Variants in NECAB2 observed in about 807,000 individuals in gnomAD.
The protein encoded by NECAB2 is N-terminal EF-hand calcium-binding protein 2.
In NECAB2, 68 loss-of-function variants were observed where a neutral mutation model predicts 51.9. The ratio of observed to expected loss-of-function variants is 1.31; its 90% CI spans 1.08 to 1.60. The LOEUF is 1.60. Ranked by LOEUF, NECAB2 falls within the 40% of genes most tolerant of loss-of-function variation. The pLI is 0.00. For synonymous variants in NECAB2, 329 were observed against 203.5 expected, an observed-to-expected ratio of 1.62 and a Z score of -5.25; for missense variants, 854 against 490.3, an observed-to-expected ratio of 1.74 and a Z score of -7.00.
chr16:83,997,560 T>A (rs2084729861), intron 9 of NECAB2, among the ~76,000 whole-genome samples: 1 of 143,162 alleles, frequency 7.0e-6, no homozygotes, highest in Admixed American at 7.2e-5. Flanking sequence ...GGATGTCGGC[T>A]TACTGCAACC....
intron 5 of NECAB2, among the ~76,000 whole-genome samples, chr16:83,987,309 G>A (rs2084568914): frequency 6.6e-6 from 1 of 152,128 alleles, no homozygotes; most frequent in Non-Finnish European, 1.5e-5. Flanking sequence ...TGAGACAGTG[G>A]TTAGCTAATT....
At chr16:83,982,110 C>A (rs926119721) in intron 5 of NECAB2, among the ~76,000 whole-genome samples, 3 of 152,202 alleles carry the variant, frequency 2.0e-5, no homozygotes, top group African/African-American at 7.2e-5. Context: ...CAGGACCAAG[C>A]TCGGAGCAAA....
Position 84,002,472 on chromosome 16 carries a change from T to C in NECAB2, c.*126T>C. On this transcript the variant is annotated 3_prime_UTR_variant, in exon 13 of 13. Transcript: ENST00000305202. ...TCAATCCATCCTCCACAAGAAGGTG[T>C]TTCCCTGTTGTTAAGTGAAGGAGGC... 3 of 1,328,308 alleles carry C rather than the reference T, an allele frequency of 2.3e-6. No homozygotes were observed. The highest frequency in any genetic ancestry group is 3.2e-6 in the Non-Finnish European group (3 of 934,850). 82.3% of individuals were successfully genotyped at this position (1,328,308 alleles called of 1,614,324 possible). A position where few individuals can be genotyped will look rare whatever the true frequency, so the allele number is the denominator to read the frequency against.
At chr16:83,997,376 C>A in intron 9 of NECAB2, 107 bp downstream of exon 9, 2 of 1,410,460 alleles carry the variant, frequency 1.4e-6, no homozygotes, top group Non-Finnish European at 2.0e-6. Context: ...CTGCTTGGGA[C>A]CACCAGGAGG....
At chr16:83,983,077 C>T (rs996586809) in intron 5 of NECAB2, among the ~76,000 whole-genome samples, 1 of 152,066 alleles carries the variant, frequency 6.6e-6, no homozygotes, top group Admixed American at 6.6e-5. Context: ...CCATGTTGGC[C>T]AGGCTGGTCT....
At chr16:83,999,299 G>A (rs761087898) in intron 10 of NECAB2, among the ~76,000 whole-genome samples, 2 of 152,154 alleles carry the variant, frequency 1.3e-5, no homozygotes, top group Non-Finnish European at 2.9e-5. Context: ...ACTCCAGGAG[G>A]ACAGACTGCA....
intron 6 of NECAB2, among the ~76,000 whole-genome samples, chr16:83,991,612 C>G (rs1011706373): frequency 3.3e-5 from 5 of 151,134 alleles, no homozygotes; most frequent in African/African-American, 9.7e-5. Context: ...GCCTCAGCCT[C>G]CAGGTGCTGG....
At position 83,999,268 on chromosome 16, in the gene NECAB2, T is replaced by TG. The variant is rs34656797; in HGVS notation, c.962+958dup. Among the ~76,000 whole-genome samples, 704 of 151,920 alleles carry TG rather than the reference T, an allele frequency of 4.6e-3. 1 individual carries two copies. The highest frequency in any genetic ancestry group is 0.015 in the African/African-American group (640 of 41,408). ...GCCATTCTTGAGTAAGTAGCCAGGA[T>TG]GGGGGGGCAGGACCCACTCCACTCC... On this transcript the variant is annotated intron_variant, in intron 10 of 12. Transcript: ENST00000305202.
chr16:83,986,907 G>C (rs1036393538), intron 5 of NECAB2, among the ~76,000 whole-genome samples: 3 of 152,114 alleles, frequency 2.0e-5, no homozygotes, highest in African/African-American at 7.2e-5. Context: ...AGTGGGGTTA[G>C]GGTTGAAACA....
At position 84,002,404 on chromosome 16, in the gene NECAB2, C is replaced by CT; in HGVS notation, c.*58_*59insT. The CT allele has an allele frequency of 1.3e-6, 2 of 1,560,080 alleles. No homozygotes were observed. Among genetic ancestry groups the CT allele is most frequent in the Non-Finnish European group, 1.7e-6 (2 of 1,150,786 alleles). On this transcript the variant is annotated 3_prime_UTR_variant, in exon 13 of 13. Transcript: ENST00000305202. ...AGCCCCTTCTTCTTGTGAAGGAAAT[C>CT]CCGTTTTTTTCTAGACAGACACTTT...
At chr16:83,980,087 C>T (rs1198835186) in intron 3 of NECAB2, among the ~76,000 whole-genome samples, 4 of 152,196 alleles carry the variant, frequency 2.6e-5, no homozygotes, top group African/African-American at 9.6e-5. Context: ...TTTGCTGAGC[C>T]TGGGCTCCAC....
chr16:83,987,963 A>T (rs551983629), intron 5 of NECAB2, among the ~76,000 whole-genome samples: 3 of 152,324 alleles, frequency 2.0e-5, no homozygotes, highest in African/African-American at 7.2e-5. Flanking sequence ...TTATAACTTT[A>T]TGCCTTTTAT....
chr16:84,002,035 C>A, intron 12 of NECAB2, 119 bp downstream of exon 12: 1 of 1,210,012 alleles, frequency 8.3e-7, no homozygotes. Flanking sequence ...ACTGTCAGCT[C>A]CTGCCACCAA....
At chr16:83,965,593 G>A (rs1274829511), upstream of NECAB2, 2 of 1,613,068 alleles carry the variant, frequency 1.2e-6, no homozygotes, top group Non-Finnish European at 1.7e-6. Context: ...ACCACAAGGT[G>A]CACCAGATGA....
rs1258491662 is a variant in NECAB2 at position 83,997,198 on chromosome 16, T to G, written c.796-18T>G. On this transcript the variant is annotated intron_variant, in intron 8 of 12. Coordinates refer to ENST00000305202, the MANE Select transcript of NECAB2 (RefSeq NM_019065.3). ...TGGGGCTCTGGGTCTAGCATCACTG[T>G]GTGCTGGATTGTTTCAGGCACTGTG... 2 of 1,613,934 alleles carry G rather than the reference T, an allele frequency of 1.2e-6. No individual in the cohort carries two copies. Among genetic ancestry groups the G allele is most frequent in the East Asian group, 4.5e-5 (2 of 44,884 alleles).
chr16:83,966,569 A>G (rs173777), upstream of NECAB2, among the ~76,000 whole-genome samples: 48,142 of 151,626 alleles, frequency 0.32, 13,212 homozygotes, highest in African/African-American at 0.76. Flanking sequence ...GCAGGCAGTG[A>G]TGTCCAGGAG....
intron 1 of NECAB2, among the ~76,000 whole-genome samples, chr16:83,969,314 C>T (rs1480948098): frequency 2.0e-5 from 3 of 152,142 alleles, no homozygotes; most frequent in Non-Finnish European, 2.9e-5. Context: ...TCGCCCTAGA[C>T]CCTGAGCCCC....
At chr16:83,996,137 C>G (rs1311358683) in intron 8 of NECAB2, among the ~76,000 whole-genome samples, 1 of 152,186 alleles carries the variant, frequency 6.6e-6, no homozygotes, top group Non-Finnish European at 1.5e-5. Context: ...GATGGAGGCT[C>G]TAGGGGCCCC....
chr16:83,993,344 G>T (rs1398590800), intron 6 of NECAB2: 1 of 152,216 alleles, frequency 6.6e-6, no homozygotes, highest in East Asian at 1.9e-4. Flanking sequence ...CCCTCCCAAG[G>T]CGGGAGTCGA....
Sources: allele counts gnomAD v4.1 joint callset (sites outside exome capture counted in the v4.1 genomes callset), GRCh38; gene constraint gnomAD v4.1.1; transcripts MANE v1.5; gene names NCBI Gene and HGNC (gene_info 2026-07-23, HGNC 2026-07-21).